Variants in GLRA3 observed in about 807,000 individuals in gnomAD.
GLRA3 encodes glycine receptor subunit alpha-3.
Under a neutral mutation model 60.4 loss-of-function variants are expected in GLRA3, and 44 were observed. The ratio of observed to expected loss-of-function variants is 0.73; its 90% CI spans 0.57 to 0.94. GLRA3 has a LOEUF of 0.94. Ranked by LOEUF, GLRA3 falls within the 40% of genes least tolerant of loss-of-function variation. The pLI is 0.00. For missense variants in GLRA3, 508 were observed against 564.6 expected, an observed-to-expected ratio of 0.90 and a Z score of 1.02; for synonymous variants, 223 against 192.9, an observed-to-expected ratio of 1.16 and a Z score of -1.29.
chr4:174,725,963 C>G (rs1736305394), intron 4 of GLRA3, among the ~76,000 whole-genome samples: 1 of 152,138 alleles, frequency 6.6e-6, no homozygotes, highest in Admixed American at 6.6e-5. Context: ...TTGGTTTTCT[C>G]TGACATTGCT....
At chr4:174,778,619 G>C (rs886763375) in intron 2 of GLRA3, among the ~76,000 whole-genome samples, 4 of 152,084 alleles carry the variant, frequency 2.6e-5, no homozygotes, top group African/African-American at 9.7e-5. Context: ...GTGGGTGCAC[G>C]CACCGTGCGC....
chr4:174,747,605 G>A (rs1737305474), intron 3 of GLRA3, among the ~76,000 whole-genome samples: 1 of 152,058 alleles, frequency 6.6e-6, no homozygotes, highest in Admixed American at 6.6e-5. Flanking sequence ...TCCCCAAAGT[G>A]GTGAAAAAGT....
At chr4:174,828,657 T>C (rs1741077517) in intron 1 of GLRA3, 84 bp downstream of exon 1, 1 of 817,350 alleles carries the variant, frequency 1.2e-6, no homozygotes, top group East Asian at 2.4e-5. Context: ...ATTGCAAATT[T>C]CCCGGTCTCA....
intron 7 of GLRA3, among the ~76,000 whole-genome samples, chr4:174,661,391 C>A (rs1733432666): frequency 1.3e-5 from 2 of 152,182 alleles, no homozygotes; most frequent in Non-Finnish European, 2.9e-5. Context: ...TGTACTTGAT[C>A]ATTCACCGTG....
chr4:174,713,441 C>T (rs1735796953), intron 5 of GLRA3: 1 of 152,158 alleles, frequency 6.6e-6, no homozygotes, highest in Non-Finnish European at 1.5e-5. Context: ...TAATAACTAA[C>T]ATTCTTGGAA....
At position 174,787,619 on chromosome 4, in the gene GLRA3, G is replaced by T. The variant is rs537168864; in HGVS notation, c.199+1197C>A. Among the ~76,000 whole-genome samples, 10 of 113,814 alleles carry T rather than the reference G, an allele frequency of 8.8e-5. No homozygotes were observed. The Admixed American group carries it at 9.1e-4, about 10-fold the overall frequency. 74.7% of individuals were successfully genotyped at this position (113,814 alleles called of 152,430 possible). ...GTACCCTGTAAGCTGTACTATTTTT[G>T]TTTCTCATTTTCATTTGTATATTGT... On this transcript the variant is annotated intron_variant, in intron 2 of 9. Transcript: ENST00000274093.
At position 174,828,970 on chromosome 4, in the gene GLRA3, A is replaced by T. The variant is rs1431413763; in HGVS notation, c.-159T>A. On this transcript the variant is annotated 5_prime_UTR_variant, in exon 1 of 10. Transcript: ENST00000274093. Reference sequence around the variant, plus strand: ...TTAGACAGCTCCCCGCAGTATGCGGACCCCTTCTCAGCATTGAGCAGAAGT... The same window carrying T: ...TTAGACAGCTCCCCGCAGTATGCGGTCCCCTTCTCAGCATTGAGCAGAAGT... The T allele has an allele frequency of 3.2e-6, 2 of 623,712 alleles. No homozygotes were observed. The highest frequency in any genetic ancestry group is 5.8e-6 in the Non-Finnish European group (2 of 342,956). The allele number at this position is 623,712 out of a possible 1,614,324, so 38.6% of individuals were successfully genotyped here.
intron 1 of GLRA3, among the ~76,000 whole-genome samples, chr4:174,818,255 G>A (rs909246652): frequency 1.3e-5 from 2 of 152,078 alleles, no homozygotes; most frequent in Non-Finnish European, 2.9e-5. Flanking sequence ...TTCTTATAGA[G>A]GCATATATCT....
intron 5 of GLRA3, among the ~76,000 whole-genome samples, chr4:174,690,395 T>A (rs1579450215): frequency 6.6e-6 from 1 of 152,182 alleles, no homozygotes; most frequent in South Asian, 2.1e-4. Flanking sequence ...GAATGGACAA[T>A]TTAGATGAAT....
At chr4:174,702,518 A>G (rs933693187) in intron 5 of GLRA3, among the ~76,000 whole-genome samples, 5 of 152,226 alleles carry the variant, frequency 3.3e-5, no homozygotes, top group East Asian at 1.9e-4. Context: ...CTGTGTTGGG[A>G]AAATTTGTGA....
intron 3 of GLRA3, among the ~76,000 whole-genome samples, chr4:174,737,327 T>C (rs569283693): frequency 1.3e-5 from 2 of 152,330 alleles, no homozygotes; most frequent in South Asian, 2.1e-4. Context: ...TATTAAACTA[T>C]TAACACGTAG....
At chr4:174,737,949 A>G (rs1028713898) in intron 3 of GLRA3, among the ~76,000 whole-genome samples, 70 of 152,166 alleles carry the variant, frequency 4.6e-4, no homozygotes, top group African/African-American at 1.7e-3. Flanking sequence ...GAAATGTGAG[A>G]GGTTAAAAAT....
intron 5 of GLRA3, among the ~76,000 whole-genome samples, chr4:174,703,801 T>A (rs1735413315): frequency 6.6e-6 from 1 of 152,214 alleles, no homozygotes; most frequent in Admixed American, 6.5e-5. Context: ...CTGAAGGGTA[T>A]GTTTTCTGAA....
At chr4:174,735,610 G>A (rs1006748960) in intron 3 of GLRA3, among the ~76,000 whole-genome samples, 3 of 152,056 alleles carry the variant, frequency 2.0e-5, no homozygotes, top group African/African-American at 7.2e-5. Flanking sequence ...TCCCAGGCTG[G>A]AATGCAGTGG....
rs138967531 is a variant in GLRA3, at chr4:174,670,159, G to A, written c.927+6919C>T. Among the ~76,000 whole-genome samples, 128 of 152,216 alleles carry A rather than the reference G, an allele frequency of 8.4e-4. 1 individual carries two copies. Among genetic ancestry groups the A allele is most frequent in the African/African-American group, 2.6e-3 (106 of 41,538 alleles). ...TGAAAATGCTTCTTAGGTGCATGCC[G>A]TTAGACTTCCTGGCATTTCTTAATA... On this transcript the variant is annotated intron_variant, in intron 7 of 9. Coordinates refer to ENST00000274093, the MANE Select transcript of GLRA3 (RefSeq NM_006529.4).
intron 7 of GLRA3, among the ~76,000 whole-genome samples, chr4:174,667,240 C>T (rs1051862780): frequency 6.6e-6 from 1 of 152,028 alleles, no homozygotes; most frequent in African/African-American, 2.4e-5. Flanking sequence ...AGATGTAATC[C>T]TACCACATGC....
intron 3 of GLRA3, among the ~76,000 whole-genome samples, chr4:174,745,294 A>C (rs944537856): frequency 1.1e-4 from 16 of 152,202 alleles, no homozygotes; most frequent in Non-Finnish European, 4.4e-5. Context: ...CAGGAGGCCC[A>C]GTGTCCCCCA....
At chr4:174,808,556 G>T (rs6851555) in intron 1 of GLRA3, among the ~76,000 whole-genome samples, 1 of 151,918 alleles carries the variant, frequency 6.6e-6, no homozygotes, top group African/African-American at 2.4e-5. Flanking sequence ...GACTGCATGC[G>T]TTCTAGTTAG....
At chr4:174,817,998 G>A (rs1161382179) in intron 1 of GLRA3, among the ~76,000 whole-genome samples, 2 of 151,918 alleles carry the variant, frequency 1.3e-5, no homozygotes, top group South Asian at 4.1e-4. Context: ...TTTTGACCAT[G>A]TTAGTTTTTA....
Sources: allele counts gnomAD v4.1 joint callset (sites outside exome capture counted in the v4.1 genomes callset), GRCh38; gene constraint gnomAD v4.1.1; transcripts MANE v1.5; gene names NCBI Gene and HGNC (gene_info 2026-07-23, HGNC 2026-07-21).